Variants in ZBTB20 observed in about 807,000 individuals in gnomAD.
ZBTB20 encodes the protein zinc finger and BTB domain-containing protein 20.
Under a neutral mutation model 56.9 loss-of-function variants are expected in ZBTB20, and 9 were observed. The observed-to-expected ratio is 0.16, with a 90% confidence interval of 0.10 to 0.28. ZBTB20 has a LOEUF of 0.28. Ranked by LOEUF, ZBTB20 falls within the 10% of genes least tolerant of loss-of-function variation. The probability of loss-of-function intolerance (pLI) is 1.00; values close to 1 mark genes in which losing one functional copy is unlikely to be tolerated. For synonymous variants in ZBTB20, 417 were observed against 420.7 expected (o/e 0.99, Z 0.11); for missense variants, 655 against 1,003.0 (o/e 0.65, Z 4.69).
At chr3:114,950,409 TTCTC>T (rs958868953) in intron 3 of ZBTB20, among the ~76,000 whole-genome samples, 12 of 152,240 alleles carry the variant, frequency 7.9e-5, no homozygotes, top group African/African-American at 2.6e-4. Context: ...CTCCCTCCTC[TTCTC>T]TCTCTATTTC....
intron 1 of ZBTB20, among the ~76,000 whole-genome samples, chr3:115,130,476 A>G (rs1021686453): frequency 2.6e-5 from 4 of 152,236 alleles, no homozygotes; most frequent in African/African-American, 9.6e-5. Context: ...AGTTTTATCA[A>G]GGGATATCAA....
At chr3:114,949,685 T>G (rs1312339118) in intron 3 of ZBTB20, among the ~76,000 whole-genome samples, 35 of 144,924 alleles carry the variant, frequency 2.4e-4, no homozygotes, top group African/African-American at 8.6e-4. Flanking sequence ...GGAGAATCGC[T>G]TGAACTCAGG....
intron 1 of ZBTB20, among the ~76,000 whole-genome samples, chr3:115,095,962 G>A (rs1227167625): frequency 6.6e-6 from 1 of 152,138 alleles, no homozygotes; most frequent in African/African-American, 2.4e-5. Flanking sequence ...TTTAAGCAAT[G>A]GAAATGTATG....
intron 7 of ZBTB20, among the ~76,000 whole-genome samples, chr3:114,448,739 AAATT>A: frequency 6.6e-6 from 1 of 152,172 alleles, no homozygotes; most frequent in Non-Finnish European, 1.5e-5. Context: ...AATACTTCAT[AAATT>A]AAGATAAAAT....
At chr3:114,867,199 G>T (rs943985062) in intron 4 of ZBTB20, among the ~76,000 whole-genome samples, 1 of 152,212 alleles carries the variant, frequency 6.6e-6, no homozygotes, top group Admixed American at 6.5e-5. Context: ...AACACGATCT[G>T]CAGCTAGGTC....
chr3:114,380,052 C>A lies in ZBTB20; in HGVS notation c.199+165G>T, dbSNP rs6796182. Among the ~76,000 whole-genome samples, 9,672 of 152,220 alleles carry A rather than the reference C, an allele frequency of 0.064. 1,044 individuals carry two copies. Among genetic ancestry groups the A allele is most frequent in the African/African-American group, 0.22 (9,080 of 41,482 alleles). ...GGCTTTTAAATACACTCTAGCTTTGCAAACTTATAGATATTGGCTGAATGA... is the reference window on the plus strand; with the variant it reads ...GGCTTTTAAATACACTCTAGCTTTGAAAACTTATAGATATTGGCTGAATGA... On this transcript the variant is annotated intron_variant, in intron 10 of 11. Coordinates refer to ENST00000675478, the MANE Select transcript of ZBTB20 (RefSeq NM_001348800.3).
rs1481187717 is a variant in ZBTB20 at position 114,492,232 on chromosome 3, G to A, written c.-255+8120C>T. 5.9e-5 allele frequency among the ~76,000 whole-genome samples: 9 copies of A among 152,006 alleles called. No individual in the cohort carries two copies. In the East Asian group the frequency reaches 1.2e-3, roughly 20 times the overall value. ...ACAGATTCATTTACCACTATATGTC[G>A]ATTACCCTGAATTCATGTCTCCAGC... On this transcript the variant is annotated intron_variant, in intron 7 of 11. Coordinates refer to ENST00000675478, the MANE Select transcript of ZBTB20 (RefSeq NM_001348800.3).
chr3:114,913,010 T>A (rs183087238), intron 3 of ZBTB20, among the ~76,000 whole-genome samples: 1 of 152,180 alleles, frequency 6.6e-6, no homozygotes, highest in East Asian at 1.9e-4. Flanking sequence ...TGCTACCAAA[T>A]CTTAGCTATT....
chr3:114,727,239 A>G (rs902239906), intron 5 of ZBTB20, among the ~76,000 whole-genome samples: 13 of 152,206 alleles, frequency 8.5e-5, no homozygotes, highest in Non-Finnish European at 1.6e-4. Flanking sequence ...CTTAATCACT[A>G]TTAAGGATAT....
intron 3 of ZBTB20, among the ~76,000 whole-genome samples, chr3:114,912,942 C>T (rs911199300): frequency 1.3e-5 from 2 of 151,990 alleles, no homozygotes; most frequent in African/African-American, 4.8e-5. Context: ...AATACTACTC[C>T]ATTGCATATA....
At chr3:114,475,678 A>G (rs2040668480) in intron 7 of ZBTB20, among the ~76,000 whole-genome samples, 1 of 152,232 alleles carries the variant, frequency 6.6e-6, no homozygotes, top group Non-Finnish European at 1.5e-5. Flanking sequence ...CTAAAGATAT[A>G]GCAGTCAGAG....
intron 10 of ZBTB20, among the ~76,000 whole-genome samples, chr3:114,372,912 C>T (rs2083199769): frequency 6.6e-6 from 1 of 152,208 alleles, no homozygotes; most frequent in East Asian, 1.9e-4. Context: ...CTAGGTCCTT[C>T]AGAATACTTT....
intron 4 of ZBTB20, among the ~76,000 whole-genome samples, chr3:114,839,455 GAAAGAAAGAA>G (rs2074277488): frequency 1.3e-5 from 2 of 150,784 alleles, no homozygotes; most frequent in African/African-American, 4.9e-5. Flanking sequence ...AAGAAAGAAA[GAAAGAAAGAA>G]AGAGAGAGAG....
At chr3:114,443,965 C>A (rs1245886899) in intron 7 of ZBTB20, among the ~76,000 whole-genome samples, 1 of 152,020 alleles carries the variant, frequency 6.6e-6, no homozygotes, top group East Asian at 1.9e-4. Context: ...TGAAATATGG[C>A]AAGGCTCATT....
intron 3 of ZBTB20, among the ~76,000 whole-genome samples, chr3:114,946,760 A>G (rs2076899993): frequency 6.9e-6 from 1 of 145,854 alleles, no homozygotes; most frequent in Non-Finnish European, 1.5e-5. Flanking sequence ...GAAAGAATTC[A>G]TTAATAAGAC....
At chr3:114,562,357 G>T (rs983756471) in intron 6 of ZBTB20, among the ~76,000 whole-genome samples, 1 of 152,014 alleles carries the variant, frequency 6.6e-6, no homozygotes, top group African/African-American at 2.4e-5. Context: ...TAGAGACGGG[G>T]TTTCACCATG....
At chr3:114,599,256 T>C (rs1485556627) in intron 6 of ZBTB20, 2 of 152,054 alleles carry the variant, frequency 1.3e-5, no homozygotes, top group South Asian at 2.1e-4. Context: ...CATACTGAAA[T>C]AGTTTCGTGA....
chr3:114,796,851 C>A (rs1379558867), intron 5 of ZBTB20, among the ~76,000 whole-genome samples: 1 of 151,846 alleles, frequency 6.6e-6, no homozygotes, highest in Non-Finnish European at 1.5e-5. Context: ...AAATATAGGA[C>A]TAAAGTTCTG....
At chr3:114,360,617 CTGGG>C in intron 10 of ZBTB20, among the ~76,000 whole-genome samples, 1 of 151,838 alleles carries the variant, frequency 6.6e-6, no homozygotes, top group Admixed American at 6.6e-5. Context: ...TCCCAAAGTG[CTGGG>C]ATTACAGGCG....
Sources: allele counts gnomAD v4.1 joint callset (sites outside exome capture counted in the v4.1 genomes callset), GRCh38; gene constraint gnomAD v4.1.1; transcripts MANE v1.5; gene names NCBI Gene and HGNC (gene_info 2026-07-23, HGNC 2026-07-21).